Variants in MARK3 observed in about 807,000 individuals in gnomAD.
MARK3 encodes MAP/microtubule affinity-regulating kinase 3.
Under a neutral mutation model 90.1 loss-of-function variants are expected in MARK3, and 46 were observed. The observed-to-expected ratio is 0.51, with a 90% confidence interval of 0.40 to 0.65. The LOEUF is 0.65. Among genes scored for constraint, MARK3 ranks in the 30% least tolerant of loss-of-function variants. MARK3 has a pLI of 0.00. For missense variants in MARK3, 818 were observed against 947.2 expected (o/e 0.86, Z 1.79); for synonymous variants, 321 against 332.6 (o/e 0.97, Z 0.38).
intron 2 of MARK3, among the ~76,000 whole-genome samples, chr14:103,407,533 G>A (rs1371757152): frequency 7.0e-6 from 1 of 143,538 alleles, no homozygotes; most frequent in Non-Finnish European, 1.5e-5. Flanking sequence ...ATACTCATAT[G>A]GTACAGAGCC....
In MARK3 at chr14:103,480,414, C is replaced by A. The variant is rs372126503; in HGVS notation, c.1510C>A (p.Arg504=). 1 of 1,612,690 alleles carries A rather than the reference C, an allele frequency of 6.2e-7. No homozygotes were observed. The highest frequency in any genetic ancestry group is 1.1e-5 in the South Asian group (1 of 90,954). Reference sequence around the variant, plus strand: ...TAACACAGCATCTGGTGGAATGACACGACGAAATACTTATGTTTGCAGTGA... The same window carrying A: ...TAACACAGCATCTGGTGGAATGACAAGACGAAATACTTATGTTTGCAGTGA... ...SSNTASGGMT[R]RNTYVCSERT... is the part of the protein sequence containing the mutation. The change falls in exon 14 of 18, where the codon CGA becomes AGA. Residue 504 remains arginine (R), a synonymous_variant. Coordinates refer to ENST00000429436, the MANE Select transcript of MARK3 (RefSeq NM_001128918.3).
chr14:103,483,986 T>C (rs1045197562), intron 14 of MARK3, among the ~76,000 whole-genome samples: 1 of 152,196 alleles, frequency 6.6e-6, no homozygotes, highest in African/African-American at 2.4e-5. Flanking sequence ...TAGTTTGCAC[T>C]GACTAAACCT....
intron 14 of MARK3, among the ~76,000 whole-genome samples, chr14:103,482,320 T>A (rs2403181): frequency 0.97 from 146,775 of 151,502 alleles, 71,277 homozygotes; most frequent in East Asian, 1. Context: ...CAGGAGTTCG[T>A]GACCAGCCTG....
chr14:103,424,525 C>CA (rs769305288), intron 2 of MARK3, among the ~76,000 whole-genome samples: 2,774 of 35,192 alleles, frequency 0.079, 31 homozygotes, highest in East Asian at 0.16. Context: ...GACCTCGTCT[C>CA]AAAAAAAAAA....
At chr14:103,386,344 C>G in intron 1 of MARK3, 1 of 690,526 alleles carries the variant, frequency 1.4e-6, no homozygotes, top group Non-Finnish European at 2.7e-6. Flanking sequence ...CGTTACGGAT[C>G]GGTGCTTTGA....
chr14:103,404,196 T>C (rs550984548), intron 1 of MARK3, among the ~76,000 whole-genome samples: 1 of 152,200 alleles, frequency 6.6e-6, no homozygotes, highest in Non-Finnish European at 1.5e-5. Flanking sequence ...ATCAGGCTTG[T>C]TTTGATTTAT....
intron 15 of MARK3, among the ~76,000 whole-genome samples, chr14:103,492,243 A>G (rs1337290262): frequency 1.3e-5 from 2 of 152,182 alleles, no homozygotes; most frequent in Non-Finnish European, 2.9e-5. Context: ...CTAAAAGTTA[A>G]CTAGCATTTA....
chr14:103,483,916 CAAAT>C (rs1215024676), intron 14 of MARK3, among the ~76,000 whole-genome samples: 1 of 152,196 alleles, frequency 6.6e-6, no homozygotes, highest in African/African-American at 2.4e-5. Flanking sequence ...AGTGCTCAAA[CAAAT>C]GTTAGCTTTC....
chr14:103,453,744 G>A (rs1376227324), intron 5 of MARK3, among the ~76,000 whole-genome samples: 2 of 152,142 alleles, frequency 1.3e-5, no homozygotes, highest in Admixed American at 6.6e-5. Context: ...TAGCCCTCAC[G>A]TTGTACAGCC....
At chr14:103,394,353 G>A (rs1229069579) in intron 1 of MARK3, among the ~76,000 whole-genome samples, 1 of 152,176 alleles carries the variant, frequency 6.6e-6, no homozygotes, top group Non-Finnish European at 1.5e-5. Flanking sequence ...AAGTAATAAG[G>A]AATTTGTACT....
chr14:103,461,893 G>A (rs570876605), intron 6 of MARK3, among the ~76,000 whole-genome samples: 3 of 152,080 alleles, frequency 2.0e-5, no homozygotes, highest in South Asian at 2.1e-4. Context: ...GAAATTGGCC[G>A]GGCATGGTGG....
chr14:103,424,499 C>A (rs1267721413), intron 2 of MARK3, among the ~76,000 whole-genome samples: 1 of 150,124 alleles, frequency 6.7e-6, no homozygotes, highest in African/African-American at 2.5e-5. Flanking sequence ...GCACTCCACC[C>A]TGGACAACAG....
chr14:103,426,173 A>G (rs183027762), intron 2 of MARK3, among the ~76,000 whole-genome samples: 16 of 152,346 alleles, frequency 1.1e-4, no homozygotes, highest in Admixed American at 2.6e-4. Context: ...TGATATCACA[A>G]CAGATTGAAT....
At chr14:103,399,541 C>T (rs1204361822) in intron 1 of MARK3, among the ~76,000 whole-genome samples, 1 of 151,514 alleles carries the variant, frequency 6.6e-6, no homozygotes, top group Admixed American at 6.6e-5. Flanking sequence ...ACTAAAAATA[C>T]GAAAAAAATT....
intron 10 of MARK3, 119 bp downstream of exon 10, chr14:103,466,561 G>T: frequency 1.6e-6 from 1 of 641,298 alleles, no homozygotes; most frequent in Non-Finnish European, 2.7e-6. Context: ...CATATGAACA[G>T]TTTATCTGTT....
chr14:103,460,595 A>G (rs2093382255), intron 6 of MARK3, among the ~76,000 whole-genome samples: 1 of 152,238 alleles, frequency 6.6e-6, no homozygotes, highest in South Asian at 2.1e-4. Context: ...GCATCAGGTT[A>G]GCTTTGAGCT....
chr14:103,426,918 G>A (rs1289063532), intron 2 of MARK3, among the ~76,000 whole-genome samples: 1 of 145,688 alleles, frequency 6.9e-6, no homozygotes, highest in South Asian at 2.1e-4. Context: ...AATTTTTAAA[G>A]TTTTCAGATT....
intron 14 of MARK3, among the ~76,000 whole-genome samples, chr14:103,487,946 A>T (rs563942019): frequency 1.2e-4 from 18 of 151,986 alleles, no homozygotes; most frequent in Admixed American, 1.0e-3. Context: ...TACTTGGGAG[A>T]CTGAGGCAGG....
chr14:103,432,863 A>G (rs1299543936), intron 3 of MARK3, among the ~76,000 whole-genome samples: 2 of 152,264 alleles, frequency 1.3e-5, no homozygotes, highest in South Asian at 2.1e-4. Flanking sequence ...CTCAAAAAAA[A>G]GCTGAAGCAA....
Sources: gnomAD v4.1 joint callset for allele counts (sites outside exome capture counted in the v4.1 genomes callset) on GRCh38, gnomAD v4.1.1 for gene constraint, MANE v1.5 for transcripts, NCBI Gene and HGNC (gene_info 2026-07-23, HGNC 2026-07-21) for gene names.